The following PSG3 variants were observed in gnomAD, a reference collection of about 807,000 sequenced individuals.
PSG3 encodes the protein pregnancy-specific beta-1-glycoprotein 3.
In PSG3, 61 loss-of-function variants were observed where a neutral mutation model predicts 47.5. That is an observed-to-expected ratio of 1.28 (90% CI 1.05 to 1.59). The LOEUF (loss-of-function observed/expected upper bound fraction) is 1.59, where lower values mean the gene tolerates loss of function less well. Among genes scored for constraint, PSG3 ranks in the 40% most tolerant of loss-of-function variants. The pLI is 0.00. For synonymous variants in PSG3, 263 were observed against 198.4 expected, an observed-to-expected ratio of 1.33 and a Z score of -2.74; for missense variants, 756 against 524.0, an observed-to-expected ratio of 1.44 and a Z score of -4.32.
intron 5 of PSG3, among the ~76,000 whole-genome samples, 177 bp from the exon 6 acceptor site, chr19:42,724,202 AC>A (rs1969339965): frequency 6.6e-6 from 1 of 151,888 alleles, no homozygotes; most frequent in Non-Finnish European, 1.5e-5. Context: ...TTTCCCTCTC[AC>A]CCTGTTTCTC....
At chr19:42,738,696 C>T (rs781512013) in intron 2 of PSG3, 28 bp downstream of exon 2, 3 of 1,612,588 alleles carry the variant, frequency 1.9e-6, no homozygotes, top group Non-Finnish European at 2.5e-6. Context: ...CATCCCCCAA[C>T]ACCCAGTGAT....
At chr19:42,725,653 T>C (rs1334476494) in intron 5 of PSG3, among the ~76,000 whole-genome samples, 1 of 151,952 alleles carries the variant, frequency 6.6e-6, no homozygotes, top group South Asian at 2.1e-4. Flanking sequence ...TGAGACCAGG[T>C]GTTTGGACCA....
At chr19:42,728,342 T>A (rs374135223) in intron 5 of PSG3, among the ~76,000 whole-genome samples, 3 of 152,216 alleles carry the variant, frequency 2.0e-5, no homozygotes, top group African/African-American at 7.2e-5. Flanking sequence ...TGCAGAGCCC[T>A]AGGGGTGAAT....
chr19:42,722,797 C>G (rs910973026), intron 6 of PSG3, among the ~76,000 whole-genome samples: 1 of 152,152 alleles, frequency 6.6e-6, no homozygotes, highest in Non-Finnish European at 1.5e-5. Flanking sequence ...GTACTTCCAG[C>G]TGAACATCAT....
At chr19:42,724,490 C>A (rs1034345422) in intron 5 of PSG3, among the ~76,000 whole-genome samples, 1 of 152,172 alleles carries the variant, frequency 6.6e-6, no homozygotes. Context: ...CCTACAGGCT[C>A]CCAGCAAGGG....
At chr19:42,736,524 T>C (rs1050924135) in intron 2 of PSG3, among the ~76,000 whole-genome samples, 3 of 152,118 alleles carry the variant, frequency 2.0e-5, no homozygotes, top group Non-Finnish European at 4.4e-5. Flanking sequence ...GGAGGCTGAT[T>C]TGAGTAATAA....
intron 5 of PSG3, among the ~76,000 whole-genome samples, chr19:42,726,210 A>T (rs185827425): frequency 2.0e-5 from 3 of 152,322 alleles, no homozygotes; most frequent in Admixed American, 6.5e-5. Context: ...AAAGACTGAA[A>T]GCTTTCCCTG....
In PSG3 at chr19:42,721,869, G is replaced by T. The variant is rs1354842425; in HGVS notation, c.*262C>A. On this transcript the variant is annotated 3_prime_UTR_variant, in exon 7 of 7. Transcript: ENST00000327495. ...ATGAAAACATTGTTTTGACTATTTA[G>T]TCCAATAAAATTGGGTTTTTTTCTT... The T allele has an allele frequency of 2.4e-6, 1 of 414,560 alleles. No individual in the cohort carries two copies. The highest frequency in any genetic ancestry group is 3.6e-5 in the East Asian group (1 of 27,942). 25.7% of individuals were successfully genotyped at this position (414,560 alleles called of 1,614,324 possible). A position where few individuals can be genotyped will look rare whatever the true frequency, so the allele number is the denominator to read the frequency against.
intron 2 of PSG3, among the ~76,000 whole-genome samples, chr19:42,737,443 T>A (rs1262842482): frequency 1.3e-5 from 2 of 152,182 alleles, no homozygotes; most frequent in Non-Finnish European, 2.9e-5. Flanking sequence ...GTCCTCTCCT[T>A]GATCCTCTTG....
At position 42,730,040 on chromosome 19, in the gene PSG3, G is replaced by C. The variant is rs1223278996; in HGVS notation, c.726C>G (p.Pro242=). ...GGTTTAAGTTGTTGATGGTGATGTA[G>C]GGCTTGGGCAGCTTCGCTGTGTGGA... The part of the protein sequence containing the change: ...TLNLLPKLPK[P]YITINNLNPR... Residue 242 remains proline, a synonymous_variant, in exon 4 of 7, where the codon CCC becomes CCG. Transcript: ENST00000327495. 3 of 1,612,588 alleles carry C rather than the reference G, an allele frequency of 1.9e-6. No homozygotes were observed. The highest frequency in any genetic ancestry group is 2.5e-6 in the Non-Finnish European group (3 of 1,179,804).
intron 3 of PSG3, chr19:42,732,582 T>A (rs531053813): frequency 1.6e-6 from 2 of 1,274,468 alleles, no homozygotes; most frequent in South Asian, 1.5e-5. Flanking sequence ...GAGTCTCCCA[T>A]GACAGGAGCA....
At chr19:42,723,127 T>A (rs1969323722) in intron 6 of PSG3, among the ~76,000 whole-genome samples, 1 of 152,238 alleles carries the variant, frequency 6.6e-6, no homozygotes, top group Non-Finnish European at 1.5e-5. Flanking sequence ...CCTTCATCAT[T>A]TCTGTATCTT....
At chr19:42,736,625 TGTGTGTG>T (rs1413052784) in intron 2 of PSG3, among the ~76,000 whole-genome samples, 9 of 143,304 alleles carry the variant, frequency 6.3e-5, no homozygotes, top group Admixed American at 6.2e-4. Context: ...TGTGTGTGTG[TGTGTGTG>T]TGTGTGTGTG....
At chr19:42,733,868 T>A in intron 2 of PSG3, 1 of 152,152 alleles carries the variant, frequency 6.6e-6, no homozygotes, top group Non-Finnish European at 1.5e-5. Flanking sequence ...CATGTGGATG[T>A]TTGCAAATGC....
chr19:42,724,085 C>A (rs747790594), intron 5 of PSG3, 60 bp from the exon 6 acceptor site: 13 of 1,547,276 alleles, frequency 8.4e-6, no homozygotes, highest in South Asian at 2.2e-5. Flanking sequence ...ATGGGGGAGC[C>A]TCAGGAACAA....
At chr19:42,736,351 T>C (rs2122193356) in intron 2 of PSG3, among the ~76,000 whole-genome samples, 1 of 152,298 alleles carries the variant, frequency 6.6e-6, no homozygotes, top group South Asian at 2.1e-4. Flanking sequence ...TACCTATGAC[T>C]AATGGCTCAG....
Position 42,738,778 on chromosome 19 carries a change from T to G in PSG3, c.376A>C (p.Lys126Gln), listed in dbSNP as rs765941634. ...TCTCCTCTAGTCCCATCACCTCGCT[T>G]TACGATGTGTAAGGTGTAGGATCCT... ...DAGSYTLHIV[K>Q]RGDGTRGETG... Residue 126 changes from lysine to glutamine, a missense_variant, in exon 2 of 7, where the codon AAG becomes CAG. By Grantham distance (53) the Lys-to-Gln change is moderately conservative. Transcript: ENST00000327495. 14 of 1,614,084 alleles carry G rather than the reference T, an allele frequency of 8.7e-6. No homozygotes were observed. In the South Asian group the frequency reaches 1.3e-4, roughly 15 times the overall value.
intron 1 of PSG3, among the ~76,000 whole-genome samples, chr19:42,740,067 C>T (rs111683049): frequency 0.055 from 8,335 of 152,096 alleles, 257 homozygotes; most frequent in Middle Eastern, 0.12. Flanking sequence ...ATTCTCCTGC[C>T]TCAGCCTCCC....
At chr19:42,729,711 G>A in intron 4 of PSG3, 67 bp downstream of exon 4, 1 of 1,576,562 alleles carries the variant, frequency 6.3e-7, no homozygotes, top group Non-Finnish European at 8.6e-7. Context: ...GAGAGTGAGA[G>A]GCCTGGCCTC....
Sources: gnomAD v4.1 joint callset for allele counts (sites outside exome capture counted in the v4.1 genomes callset) on GRCh38, gnomAD v4.1.1 for gene constraint, MANE v1.5 for transcripts, NCBI Gene and HGNC (gene_info 2026-07-23, HGNC 2026-07-21) for gene names.